The following LRP1B variants were observed in gnomAD, a reference collection of about 807,000 sequenced individuals.
The protein encoded by LRP1B is low-density lipoprotein receptor-related protein 1B.
A neutral mutation model predicts 556.6 loss-of-function variants in LRP1B; 217 were observed. The ratio of observed to expected loss-of-function variants is 0.39; its 90% CI spans 0.35 to 0.44. The LOEUF (loss-of-function observed/expected upper bound fraction) is 0.44, where lower values mean the gene tolerates loss of function less well. LRP1B is among the 20% of genes least tolerant of loss of function. The pLI is 1.00. For synonymous variants in LRP1B, 2,047 were observed against 1,865.8 expected, an observed-to-expected ratio of 1.10 and a Z score of -2.50; for missense variants, 5,053 against 5,620.8, an observed-to-expected ratio of 0.90 and a Z score of 3.23.
At chr2:140,445,213 C>T (rs971077950) in intron 63 of LRP1B, among the ~76,000 whole-genome samples, 2 of 151,840 alleles carry the variant, frequency 1.3e-5, no homozygotes, top group African/African-American at 4.8e-5. Flanking sequence ...TCTCCCATGT[C>T]CAAGCAATTC....
intron 45 of LRP1B, 82 bp from the exon 46 acceptor site, chr2:140,536,791 TTAATTA>T: frequency 9.5e-7 from 1 of 1,048,902 alleles, no homozygotes; most frequent in Non-Finnish European, 1.4e-6. Flanking sequence ...TTTCTTAATT[TTAATTA>T]TAAAGATAAA....
At chr2:141,864,620 G>T (rs375626843) in intron 1 of LRP1B, among the ~76,000 whole-genome samples, 1 of 151,134 alleles carries the variant, frequency 6.6e-6, no homozygotes, top group Non-Finnish European at 1.5e-5. Context: ...AGTGGCTCAC[G>T]CCTGTAATCC....
intron 1 of LRP1B, among the ~76,000 whole-genome samples, chr2:142,105,632 A>G (rs1004178740): frequency 2.6e-5 from 4 of 152,210 alleles, no homozygotes; most frequent in Non-Finnish European, 5.9e-5. Context: ...CCAAGCTTGC[A>G]GATTTGTAGA....
At chr2:141,583,259 T>A (rs543221905) in intron 2 of LRP1B, among the ~76,000 whole-genome samples, 41 of 152,280 alleles carry the variant, frequency 2.7e-4, no homozygotes, top group African/African-American at 8.9e-4. Context: ...GCAAGCTGAA[T>A]ATAAATGAAT....
rs1336782748 is a variant in LRP1B, at chr2:140,315,110, G to A, written c.12641-11C>T. 4 of 1,582,576 alleles carry A rather than the reference G, an allele frequency of 2.5e-6. No individual in the cohort carries two copies. Among genetic ancestry groups the A allele is most frequent in the Non-Finnish European group, 3.4e-6 (4 of 1,160,312 alleles). ...ACTTACATGAATCATCTGTTTATGA[G>A]AAGAAATGTACAAATTAGCATGTTT... On this transcript the variant is annotated splice_polypyrimidine_tract_variant and intron_variant, in intron 82 of 90. Transcript: ENST00000389484.
chr2:141,740,112 A>G (rs1414710020), intron 2 of LRP1B, among the ~76,000 whole-genome samples: 1 of 152,166 alleles, frequency 6.6e-6, no homozygotes, highest in Admixed American at 6.6e-5. Context: ...TTAAGTGATA[A>G]TAGATCAATC....
chr2:142,043,726 G>A (rs1041691640), intron 1 of LRP1B, among the ~76,000 whole-genome samples: 1 of 151,666 alleles, frequency 6.6e-6, no homozygotes, highest in Non-Finnish European at 1.5e-5. Context: ...TCCACTAGCT[G>A]AGATAGTTTT....
intron 1 of LRP1B, among the ~76,000 whole-genome samples, chr2:141,967,505 A>G (rs1156796790): frequency 6.6e-6 from 1 of 151,890 alleles, no homozygotes; most frequent in Non-Finnish European, 1.5e-5. Context: ...GAAGTGCTAG[A>G]TTCTCATTCC....
intron 43 of LRP1B, among the ~76,000 whole-genome samples, chr2:140,573,165 A>G (rs1363627946): frequency 6.6e-6 from 1 of 151,912 alleles, no homozygotes; most frequent in Non-Finnish European, 1.5e-5. Flanking sequence ...TCCCAACACA[A>G]AGAAAATGCA....
chr2:141,102,225 T>C (rs1043238052), intron 7 of LRP1B, among the ~76,000 whole-genome samples: 9 of 152,130 alleles, frequency 5.9e-5, no homozygotes, highest in African/African-American at 2.2e-4. Context: ...AAATAGGATA[T>C]ATATCATTAG....
chr2:140,563,874 T>C (rs1031389264), intron 43 of LRP1B, among the ~76,000 whole-genome samples: 1 of 152,174 alleles, frequency 6.6e-6, no homozygotes, highest in Non-Finnish European at 1.5e-5. Context: ...AGAAGATGAA[T>C]GGATTGAAGT....
chr2:141,530,047 C>T (rs1383589027), intron 2 of LRP1B, among the ~76,000 whole-genome samples: 3 of 152,216 alleles, frequency 2.0e-5, no homozygotes, highest in South Asian at 2.1e-4. Context: ...AAGGTGAAAT[C>T]TCATAAAGCA....
At chr2:141,147,851 T>G (rs935058638) in intron 7 of LRP1B, among the ~76,000 whole-genome samples, 3 of 152,188 alleles carry the variant, frequency 2.0e-5, no homozygotes, top group Non-Finnish European at 4.4e-5. Flanking sequence ...TAATACCGTA[T>G]TTTTCCTTTT....
intron 59 of LRP1B, among the ~76,000 whole-genome samples, chr2:140,481,108 T>C (rs1688220126): frequency 6.6e-6 from 1 of 152,118 alleles, no homozygotes; most frequent in African/African-American, 2.4e-5. Context: ...TCATGTGTCC[T>C]GCCCGCCTAG....
In LRP1B at chr2:141,731,209, G is replaced by A. The variant is rs573766583; in HGVS notation, c.205+79070C>T. On this transcript the variant is annotated intron_variant, in intron 2 of 90. Transcript: ENST00000389484. ...AGAGAGGACTTCAATGTTACCTGGAGCATGGCCCCCAAATTAAAATTTCCC... is the reference window on the plus strand; with the variant it reads ...AGAGAGGACTTCAATGTTACCTGGAACATGGCCCCCAAATTAAAATTTCCC... 3.9e-5 allele frequency among the ~76,000 whole-genome samples: 6 copies of A among 152,198 alleles called. No homozygotes were observed. The South Asian group carries it at 1.2e-3, about 32-fold the overall frequency.
chr2:140,403,463 T>C (rs1195686942), intron 66 of LRP1B, among the ~76,000 whole-genome samples: 1 of 152,032 alleles, frequency 6.6e-6, no homozygotes, highest in Non-Finnish European at 1.5e-5. Context: ...AAGACACACT[T>C]AGGGAAATAC....
intron 1 of LRP1B, among the ~76,000 whole-genome samples, chr2:141,902,745 C>T (rs1699655977): frequency 6.6e-6 from 1 of 152,034 alleles, no homozygotes; most frequent in Middle Eastern, 3.4e-3. Flanking sequence ...TCCATGTTAA[C>T]TTCCATAGAG....
intron 41 of LRP1B, among the ~76,000 whole-genome samples, chr2:140,674,134 G>A (rs1408171823): frequency 6.6e-6 from 1 of 151,792 alleles, no homozygotes; most frequent in African/African-American, 2.4e-5. Flanking sequence ...ATTTTTAGTA[G>A]AGACGGGGTT....
At chr2:141,750,755 A>C (rs1574319042) in intron 2 of LRP1B, among the ~76,000 whole-genome samples, 2 of 152,114 alleles carry the variant, frequency 1.3e-5, no homozygotes, top group East Asian at 3.8e-4. Flanking sequence ...GAATAATGTT[A>C]GGAATTTTAG....
Sources: gnomAD v4.1 joint callset for allele counts (sites outside exome capture counted in the v4.1 genomes callset) on GRCh38, gnomAD v4.1.1 for gene constraint, MANE v1.5 for transcripts, NCBI Gene and HGNC (gene_info 2026-07-23, HGNC 2026-07-21) for gene names.